Variants in KLF17 observed in about 807,000 individuals in gnomAD.
KLF17 encodes Krueppel-like factor 17.
A neutral mutation model predicts 34.2 loss-of-function variants in KLF17; 31 were observed. The observed-to-expected ratio is 0.91, with a 90% CI of 0.68 to 1.22. The LOEUF (loss-of-function observed/expected upper bound fraction) is 1.22. Ranked by LOEUF, KLF17 falls within the 50% of genes most tolerant of loss-of-function variation. The probability of loss-of-function intolerance (pLI) is 0.00; values close to 1 mark genes in which losing one functional copy is unlikely to be tolerated. For missense variants in KLF17, 478 were observed against 505.2 expected (o/e 0.95, Z 0.52); for synonymous variants, 179 against 186.7 (o/e 0.96, Z 0.34).
the KLF17 span, among the ~76,000 whole-genome samples, chr1:44,113,071 A>G: frequency 6.6e-6 from 1 of 152,100 alleles, no homozygotes; most frequent in African/African-American, 2.4e-5. Context: ...GGACATTCCC[A>G]TTTCTCATAG....
At chr1:44,094,842 A>G in the KLF17 span, among the ~76,000 whole-genome samples, 1 of 151,658 alleles carries the variant, frequency 6.6e-6, no homozygotes, top group African/African-American at 2.4e-5. Flanking sequence ...TTGTGGTTCC[A>G]TACACATTTT....
the KLF17 span, among the ~76,000 whole-genome samples, chr1:44,045,578 CT>C: frequency 6.6e-6 from 1 of 152,130 alleles, no homozygotes; most frequent in African/African-American, 2.4e-5. Flanking sequence ...CATGATGGGA[CT>C]ATTTACACCC....
chr1:44,080,306 T>C, the KLF17 span, among the ~76,000 whole-genome samples: 3 of 146,040 alleles, frequency 2.1e-5, no homozygotes, highest in African/African-American at 7.6e-5. Context: ...TGGTGCAATC[T>C]AGGCTCACTG....
the KLF17 span, among the ~76,000 whole-genome samples, chr1:44,089,142 C>G: frequency 6.6e-6 from 1 of 152,084 alleles, no homozygotes; most frequent in East Asian, 1.9e-4. Flanking sequence ...CAGGGGTACA[C>G]TGTGTTGGGG....
At position 44,130,090 on chromosome 1, in the gene KLF17, T is replaced by A; in HGVS notation, c.819T>A (p.Gly273=). The A allele has an allele frequency of 2.5e-6, 4 of 1,614,184 alleles. No homozygotes were observed. The highest frequency in any genetic ancestry group is 3.4e-6 in the Non-Finnish European group (4 of 1,180,040). The change falls in exon 2 of 4, where the codon GGT becomes GGA. Residue 273 remains glycine, a synonymous_variant. Coordinates refer to ENST00000372299, the MANE Select transcript of KLF17 (RefSeq NM_173484.4). ...EKNSRPQEGT[G]RRGSSEARPY... is the part of the protein sequence containing the mutation. ...ACTCCAGGCCTCAGGAAGGGACTGG[T>A]AGAAGGGGCTCCTCAGAGGCAAGGC...
At chr1:44,124,024 A>G (rs1308574533) in intron 1 of KLF17, among the ~76,000 whole-genome samples, 1 of 152,050 alleles carries the variant, frequency 6.6e-6, no homozygotes, top group Non-Finnish European at 1.5e-5. Flanking sequence ...TGTCCCATGA[A>G]CACTTTCGAA....
At chr1:44,081,038 A>G in the KLF17 span, among the ~76,000 whole-genome samples, 1 of 151,840 alleles carries the variant, frequency 6.6e-6, no homozygotes, top group Admixed American at 6.6e-5. Context: ...ATTTAATCTT[A>G]TATGTTAATT....
chr1:44,055,441 C>T, the KLF17 span, among the ~76,000 whole-genome samples: 37 of 152,340 alleles, frequency 2.4e-4, no homozygotes, highest in South Asian at 6.6e-3. Context: ...CATTTTCCCA[C>T]GGGTTTTTAC....
At chr1:44,099,885 G>A in the KLF17 span, among the ~76,000 whole-genome samples, 1 of 57,722 alleles carries the variant, frequency 1.7e-5, no homozygotes, top group African/African-American at 5.2e-5. Context: ...AAGAAAGAAA[G>A]AAAGAAAGAA....
the KLF17 span, among the ~76,000 whole-genome samples, chr1:44,083,531 T>A: frequency 6.6e-6 from 1 of 152,130 alleles, no homozygotes; most frequent in Admixed American, 6.5e-5. Flanking sequence ...GCGCGGTGGC[T>A]CACGCCTGTA....
chr1:44,117,881 C>T (rs1444207004), upstream of KLF17, among the ~76,000 whole-genome samples: 2 of 152,152 alleles, frequency 1.3e-5, no homozygotes, highest in South Asian at 2.1e-4. Flanking sequence ...ATTTTAAAAA[C>T]ATATATCAGA....
chr1:44,117,476 T>C (rs1198657053), upstream of KLF17: 1 of 139,872 alleles, frequency 7.1e-6, no homozygotes. Context: ...TTTATTTTAT[T>C]TTATTTTATT....
At chr1:44,099,845 GAAAGAAAGAAAGA>G in the KLF17 span, among the ~76,000 whole-genome samples, 3 of 35,958 alleles carry the variant, frequency 8.3e-5, no homozygotes, top group African/African-American at 4.5e-4. Flanking sequence ...AAGAAAGAAA[GAAAGAAAGAAAGA>G]AAGAAAGAAA....
intron 2 of KLF17, 50 bp downstream of exon 2, chr1:44,130,246 G>T: frequency 6.4e-7 from 1 of 1,557,870 alleles, no homozygotes. Context: ...CTGGGCTTTA[G>T]ATTTGTCCTG....
upstream of KLF17, among the ~76,000 whole-genome samples, chr1:44,118,586 CAG>C (rs891213874): frequency 1.1e-4 from 17 of 152,306 alleles, no homozygotes; most frequent in Admixed American, 8.5e-4. Flanking sequence ...TTGGGTGAAA[CAG>C]TTGCTCAGAC....
chr1:44,091,241 AT>A, the KLF17 span, among the ~76,000 whole-genome samples: 45,964 of 151,916 alleles, frequency 0.3, 7,116 homozygotes, highest in South Asian at 0.35. Context: ...GAAGAGTGGC[AT>A]TTTTTTTACA....
At chr1:44,109,405 C>A in the KLF17 span, among the ~76,000 whole-genome samples, 446 of 152,230 alleles carry the variant, frequency 2.9e-3, 1 homozygote, top group African/African-American at 1.0e-2. Context: ...ACTGCTAGCT[C>A]AGAAGCAATT....
At chr1:44,046,851 G>A in the KLF17 span, among the ~76,000 whole-genome samples, 1 of 151,908 alleles carries the variant, frequency 6.6e-6, no homozygotes, top group East Asian at 1.9e-4. Context: ...GGTGAAACCT[G>A]GTCTCTACTA....
At chr1:44,067,246 T>G in the KLF17 span, among the ~76,000 whole-genome samples, 1 of 152,206 alleles carries the variant, frequency 6.6e-6, no homozygotes, top group Non-Finnish European at 1.5e-5. Flanking sequence ...TGTGAATCAT[T>G]TTATTGATCA....
Sources: allele counts gnomAD v4.1 joint callset (sites outside exome capture counted in the v4.1 genomes callset), GRCh38; gene constraint gnomAD v4.1.1; transcripts MANE v1.5; gene names NCBI Gene and HGNC (gene_info 2026-07-23, HGNC 2026-07-21).